Variants in EXD3 observed in about 807,000 individuals in gnomAD.
EXD3 encodes the protein exonuclease mut-7 homolog.
Under a neutral mutation model 98.0 loss-of-function variants are expected in EXD3, and 92 were observed. That is an observed-to-expected ratio of 0.94 (90% CI 0.79 to 1.12). The LOEUF (loss-of-function observed/expected upper bound fraction) is 1.12, where lower values mean the gene tolerates loss of function less well. Ranked by LOEUF, EXD3 falls within the 50% of genes most tolerant of loss-of-function variation. EXD3 has a pLI of 0.00. For synonymous variants in EXD3, 569 were observed against 526.0 expected (o/e 1.08, Z -1.12); for missense variants, 1,222 against 1,191.6 (o/e 1.03, Z -0.38).
At chr9:137,409,166 T>G (rs1225375483) in intron 1 of EXD3, among the ~76,000 whole-genome samples, 1 of 151,462 alleles carries the variant, frequency 6.6e-6, no homozygotes. Flanking sequence ...ATCACGGGAG[T>G]GGAACTGGTG....
chr9:137,360,633 G>T (rs1834971401), intron 7 of EXD3, among the ~76,000 whole-genome samples: 1 of 83,392 alleles, frequency 1.2e-5, no homozygotes, highest in African/African-American at 3.3e-5. Context: ...GCTAATTTTT[G>T]TATTTTTAGT....
At chr9:137,372,613 G>A (rs1321296034) in intron 5 of EXD3, among the ~76,000 whole-genome samples, 3 of 152,236 alleles carry the variant, frequency 2.0e-5, no homozygotes, top group Non-Finnish European at 4.4e-5. Context: ...CTAGGACCCT[G>A]TGAGTGTGAG....
intron 7 of EXD3, chr9:137,365,775 G>A (rs777818728): frequency 3.3e-4 from 100 of 302,196 alleles, no homozygotes; most frequent in Admixed American, 8.8e-4. Flanking sequence ...CCACATGCAC[G>A]AAAACACACG....
At chr9:137,307,334 G>A (rs1417985549) in intron 21 of EXD3, 71 bp from the exon 22 acceptor site, 20 of 1,437,750 alleles carry the variant, frequency 1.4e-5, no homozygotes, top group Non-Finnish European at 1.6e-5. Flanking sequence ...TCCCAGAGTG[G>A]TGCAGTTGGC....
chr9:137,351,499 C>G lies in EXD3; in HGVS notation c.1203G>C (p.Glu401Asp). The change falls in exon 13 of 22, where the codon GAG (glutamate) becomes GAC (aspartate). Residue 401 changes from glutamate (E) to aspartate (D), a missense_variant. Coordinates refer to ENST00000340951, the MANE Select transcript of EXD3 (RefSeq NM_017820.5). ...CCCCAGCAACAAACACAGGTGTCCA[C>G]TCCACGTCTACACCAACCACTTGGT... ...QCHQVVGVDV[E>D]WTPVFVAGGR... 1 of 1,595,546 alleles carries G rather than the reference C, an allele frequency of 6.3e-7. No individual in the cohort carries two copies. The highest frequency in any genetic ancestry group is 1.1e-5 in the South Asian group (1 of 88,396).
Position 137,347,575 on chromosome 9 carries a change from T to C in EXD3, c.1998+496A>G, listed in dbSNP as rs1296777314. 2.6e-5 allele frequency among the ~76,000 whole-genome samples: 4 copies of C among 151,784 alleles called. No individual in the cohort carries two copies. The East Asian group carries it at 5.8e-4, about 22-fold the overall frequency. ...TCTCGTGTCTCAGCCTCCTGAGTAG[T>C]TGGGATTACAGGCGCCCGCCACTAC... On this transcript the variant is annotated intron_variant, in intron 17 of 21. Coordinates refer to ENST00000340951, the MANE Select transcript of EXD3 (RefSeq NM_017820.5). The surrounding 1 kb of genome is among the most constrained non-coding windows in gnomAD (Gnocchi z 4.2).
chr9:137,307,152 C>T lies in EXD3; in HGVS notation c.2429G>A (p.Arg810Gln), dbSNP rs28685844. The T allele has an allele frequency of 0.013, 20,728 of 1,591,192 alleles. 525 individuals carry two copies. Among genetic ancestry groups the T allele is most frequent in the East Asian group, 0.1 (4,537 of 43,594 alleles). Residue 810 changes from arginine to glutamine, a missense_variant, in exon 22 of 22, where the codon CGG (arginine) becomes CAG (glutamine). By Grantham distance (43) the Arg-to-Gln change is conservative. Coordinates refer to ENST00000340951, the MANE Select transcript of EXD3 (RefSeq NM_017820.5). ...ETPDMLADGTRLQLAGVPVGV... is the reference protein window; with the variant it reads ...ETPDMLADGTQLQLAGVPVGV... ...CACCGGGACCCCTGCCAGCTGCAGC[C>T]GGGTGCCGTCGGCCAGCATGTCCGG...
chr9:137,322,572 G>A (rs1339252725), intron 19 of EXD3, among the ~76,000 whole-genome samples: 2 of 73,734 alleles, frequency 2.7e-5, no homozygotes, highest in African/African-American at 6.0e-5. Context: ...ATGCTCTGCC[G>A]ACACCTCACC....
intron 3 of EXD3, 112 bp downstream of exon 3, chr9:137,383,201 G>T (rs1000306492): frequency 1.1e-6 from 1 of 876,716 alleles, no homozygotes; most frequent in Non-Finnish European, 1.8e-6. Flanking sequence ...CTGTGGCCGT[G>T]GGGGGCTGTG....
At chr9:137,313,726 A>G (rs1010945090) in intron 19 of EXD3, among the ~76,000 whole-genome samples, 3 of 152,162 alleles carry the variant, frequency 2.0e-5, no homozygotes, top group African/African-American at 7.2e-5. Flanking sequence ...AGGCAGGTCC[A>G]GGAGGAGTCA....
rs779024515 is a variant in EXD3, at chr9:137,373,480, G to C, written c.240C>G (p.Ile80Met). The change falls in exon 4 of 22, where the codon ATC becomes ATG. Residue 80 changes from isoleucine to methionine, a missense_variant. Ile to Met is a conservative substitution (Grantham distance 10). Coordinates refer to ENST00000340951, the MANE Select transcript of EXD3 (RefSeq NM_017820.5). The stretch of plus-strand genomic sequence containing the variant: ...GTAGCCAGCACTGCAGCTGGTGGGA[G>C]ATCCAGGCCGCCAGGGAGGGGCCCT... ...RGEGPSLAAW[I>M]SHQLQCWLQA... 1 of 1,609,180 alleles carries C rather than the reference G, an allele frequency of 6.2e-7. No homozygotes were observed. The highest frequency in any genetic ancestry group is 1.1e-5 in the South Asian group (1 of 90,446).
chr9:137,355,823 G>A (rs1234261284), intron 8 of EXD3, among the ~76,000 whole-genome samples: 1 of 152,156 alleles, frequency 6.6e-6, no homozygotes, highest in Non-Finnish European at 1.5e-5. Flanking sequence ...CCCCATGGAA[G>A]GGGCCTCAGT....
rs1044739734 is a variant in EXD3, at chr9:137,332,639, C to G, written c.1999-8496G>C. Among the ~76,000 whole-genome samples the G allele has an allele frequency of 5.9e-5, 9 of 151,626 alleles. No individual in the cohort carries two copies. In the East Asian group the frequency reaches 1.2e-3, roughly 20 times the overall value. On this transcript the variant is annotated intron_variant, in intron 17 of 21. Transcript: ENST00000340951. ...CGGGCAGATCACAAGGTCAGGAGAT[C>G]GAGACCATCCTGGCTAAAACAGTGA...
intron 6 of EXD3, 34 bp from the exon 7 acceptor site, chr9:137,366,666 CGCCACCTCA>C: frequency 6.5e-7 from 1 of 1,536,788 alleles, no homozygotes; most frequent in Non-Finnish European, 8.8e-7. Flanking sequence ...CCACAGCCTC[CGCCACCTCA>C]GCCAAAACCT....
intron 14 of EXD3, 59 bp downstream of exon 14, chr9:137,350,979 A>G: frequency 1.4e-6 from 2 of 1,466,506 alleles, no homozygotes; most frequent in South Asian, 2.5e-5. Context: ...AGGGGCCCCA[A>G]GCAGCCCTCG....
At chr9:137,402,603 C>T (rs1161044145) in intron 1 of EXD3, among the ~76,000 whole-genome samples, 3 of 152,212 alleles carry the variant, frequency 2.0e-5, no homozygotes, top group Non-Finnish European at 2.9e-5. Context: ...CTAGGAGGTT[C>T]CAAACCTTCC....
intron 17 of EXD3, chr9:137,345,621 CA>C (rs1451753557): frequency 2.0e-5 from 3 of 149,488 alleles, no homozygotes; most frequent in African/African-American, 7.4e-5. Context: ...CAGGTAGCAC[CA>C]CTGCACTCCA....
At chr9:137,329,278 AGCTACACGGGGCTACAGGGG>A (rs1832777065) in intron 17 of EXD3, among the ~76,000 whole-genome samples, 1 of 5,732 alleles carries the variant, frequency 1.7e-4, no homozygotes, top group Non-Finnish European at 2.4e-4. Context: ...GCTACACGGG[AGCTACACGGGGCTACAGGGG>A]GCTACACGGG....
intron 1 of EXD3, among the ~76,000 whole-genome samples, chr9:137,419,916 T>C (rs968234305): frequency 6.6e-5 from 10 of 152,074 alleles, no homozygotes; most frequent in African/African-American, 2.2e-4. Flanking sequence ...TCCCAGCACT[T>C]TGGGAGGCCA....
Sources: allele counts gnomAD v4.1 joint callset (sites outside exome capture counted in the v4.1 genomes callset), GRCh38; gene constraint gnomAD v4.1.1; non-coding constraint Gnocchi (gnomAD v3.1); transcripts MANE v1.5; gene names NCBI Gene and HGNC (gene_info 2026-07-23, HGNC 2026-07-21).